The following ACSM2B variants were observed in gnomAD, a reference collection of about 807,000 sequenced individuals.
ACSM2B encodes acyl-coenzyme A synthetase ACSM2B, mitochondrial.
A neutral mutation model predicts 78.6 loss-of-function variants in ACSM2B; 58 were observed. The observed-to-expected ratio is 0.74, with a 90% CI of 0.60 to 0.92. The LOEUF is 0.92. Among genes scored for constraint, ACSM2B ranks in the 40% least tolerant of loss-of-function variants. ACSM2B has a pLI of 0.00. For missense variants in ACSM2B, 688 were observed against 711.2 expected (o/e 0.97, Z 0.37); for synonymous variants, 257 against 256.8 (o/e 1.00, Z -0.01).
chr16:20,572,833 T>A (rs1453433106), intron 1 of ACSM2B, among the ~76,000 whole-genome samples: 1 of 152,042 alleles, frequency 6.6e-6, no homozygotes, highest in Non-Finnish European at 1.5e-5. Flanking sequence ...CTTCAAGCTC[T>A]GAAGTTATTT....
intron 1 of ACSM2B, among the ~76,000 whole-genome samples, chr16:20,570,944 T>C (rs2016076062): frequency 6.6e-6 from 1 of 151,850 alleles, no homozygotes; most frequent in Non-Finnish European, 1.5e-5. Context: ...TAATTGAGCT[T>C]ATTTGGATTT....
At chr16:20,555,658 C>A (rs1395986077) in intron 3 of ACSM2B, among the ~76,000 whole-genome samples, 182 bp from the exon 4 acceptor site, 1 of 152,058 alleles carries the variant, frequency 6.6e-6, no homozygotes, top group Non-Finnish European at 1.5e-5. Flanking sequence ...CTAGGATTCC[C>A]TGGGTTGTCA....
chr16:20,554,679 T>C (rs902882075), intron 4 of ACSM2B, among the ~76,000 whole-genome samples: 5 of 152,208 alleles, frequency 3.3e-5, no homozygotes, highest in East Asian at 1.9e-4. Context: ...CAGCCTCTCT[T>C]AGAGATACAA....
chr16:20,553,679 C>T, intron 5 of ACSM2B, 98 bp downstream of exon 5: 1 of 1,516,416 alleles, frequency 6.6e-7, no homozygotes, highest in Non-Finnish European at 8.8e-7. Context: ...CTCAGAACCA[C>T]AAGGTGGTGA....
At chr16:20,547,006 T>G (rs938755172) in intron 8 of ACSM2B, 2 of 649,036 alleles carry the variant, frequency 3.1e-6, no homozygotes, top group African/African-American at 3.9e-5. Flanking sequence ...CCAGTTCTGC[T>G]TGAACCCTGA....
intron 1 of ACSM2B, among the ~76,000 whole-genome samples, chr16:20,572,255 T>C (rs556517610): frequency 3.2e-4 from 47 of 148,242 alleles, no homozygotes; most frequent in Admixed American, 3.1e-3. Context: ...TTAGCAGTTC[T>C]TGTAGTGCTG....
Position 20,536,950 on chromosome 16 carries a change from T to C in ACSM2B, c.*308A>G, listed in dbSNP as rs900581217. 3 of 230,870 alleles carry C rather than the reference T, an allele frequency of 1.3e-5. No homozygotes were observed. The highest frequency in any genetic ancestry group is 6.7e-5 in the African/African-American group (3 of 44,480). 14.3% of individuals were successfully genotyped at this position (230,870 alleles called of 1,614,324 possible). A position where few individuals can be genotyped will look rare whatever the true frequency, so the allele number is the denominator to read the frequency against. ...TTTCCTTTCTTCCTCCTTCCCTTGC[T>C]TCCTCTCGCCTTCCCTCCCTACTTT... On this transcript the variant is annotated 3_prime_UTR_variant, in exon 14 of 14. Transcript: ENST00000329697.
intron 1 of ACSM2B, among the ~76,000 whole-genome samples, chr16:20,566,248 TA>T (rs1297562103): frequency 0.41 from 4,415 of 10,700 alleles, 424 homozygotes; most frequent in African/African-American, 0.53. Context: ...CATGGAAGAT[TA>T]TATATATATA....
intron 1 of ACSM2B, among the ~76,000 whole-genome samples, chr16:20,567,406 A>T (rs1295402550): frequency 8.4e-6 from 1 of 119,040 alleles, no homozygotes; most frequent in African/African-American, 3.4e-5. Context: ...ACAATATATT[A>T]TATAATATAT....
chr16:20,563,280 T>C (rs1199963012), intron 2 of ACSM2B, among the ~76,000 whole-genome samples: 3 of 152,204 alleles, frequency 2.0e-5, no homozygotes, highest in Non-Finnish European at 2.9e-5. Flanking sequence ...AATGGCCATT[T>C]GAGTTCACTT....
intron 2 of ACSM2B, among the ~76,000 whole-genome samples, chr16:20,562,236 C>A (rs1018183311): frequency 6.6e-6 from 1 of 152,088 alleles, no homozygotes; most frequent in African/African-American, 2.4e-5. Flanking sequence ...ACATACCCAT[C>A]ATGATGCACA....
chr16:20,539,929 T>C lies in ACSM2B; in HGVS notation c.1629+725A>G, dbSNP rs9932171. 8.2e-3 allele frequency among the ~76,000 whole-genome samples: 1,244 copies of C among 152,320 alleles called. 18 individuals are homozygous for C. The highest frequency in any genetic ancestry group is 0.029 in the African/African-American group (1,213 of 41,566). ...ACCACATCCTAGGAATGCCTGGGAC[T>C]AGCCATAATGAAAGCTTTCTTCACC... On this transcript the variant is annotated intron_variant, in intron 13 of 13. Transcript: ENST00000329697.
intron 1 of ACSM2B, among the ~76,000 whole-genome samples, chr16:20,568,201 T>A (rs2015986978): frequency 6.9e-6 from 1 of 143,912 alleles, no homozygotes; most frequent in Non-Finnish European, 1.5e-5. Flanking sequence ...TTATATAAAA[T>A]ATAAATATAT....
intron 4 of ACSM2B, among the ~76,000 whole-genome samples, 185 bp downstream of exon 4, chr16:20,555,084 C>T (rs1371662862): frequency 6.6e-6 from 1 of 150,966 alleles, no homozygotes; most frequent in South Asian, 2.1e-4. Flanking sequence ...AGATCAAGCC[C>T]CACTTAGTCC....
In ACSM2B at chr16:20,537,012, C is replaced by T. The variant is rs7404298; in HGVS notation, c.*246G>A. 322,685 of 381,960 alleles carry T rather than the reference C, an allele frequency of 0.84. 137,510 individuals carry two copies. Among genetic ancestry groups the T allele is most frequent in the African/African-American group, 0.9 (43,692 of 48,336 alleles). The allele number at this position is 381,960 out of a possible 1,614,324, so 23.7% of individuals were successfully genotyped here. ...AATTGCTTTCTCTTGCAGTTTTTAACATTTCCCTGACTTACTTTTCTTTCC... is the reference window on the plus strand; with the variant it reads ...AATTGCTTTCTCTTGCAGTTTTTAATATTTCCCTGACTTACTTTTCTTTCC... On this transcript the variant is annotated 3_prime_UTR_variant, in exon 14 of 14. Transcript: ENST00000329697.
At chr16:20,576,182 G>A (rs1156461530) in intron 1 of ACSM2B, 25 bp downstream of exon 1, 1 of 151,358 alleles carries the variant, frequency 6.6e-6, no homozygotes, top group Non-Finnish European at 1.5e-5. Context: ...GACCCCATCA[G>A]CCCATTCCTT....
intron 6 of ACSM2B, chr16:20,549,840 T>A (rs1328380491): frequency 4.5e-6 from 2 of 448,308 alleles, no homozygotes; most frequent in Non-Finnish European, 8.9e-6. Flanking sequence ...TAGATTTAAA[T>A]TTTTTCTGGT....
rs1347676063 is a variant in ACSM2B at position 20,536,894 on chromosome 16, CT to C, written c.*363del. 1 of 170,702 alleles carries C rather than the reference CT, an allele frequency of 5.9e-6. No homozygotes were observed. The highest frequency in any genetic ancestry group is 2.4e-5 in the African/African-American group (1 of 41,574). The allele number at this position is 170,702 out of a possible 1,614,324, so 10.6% of individuals were successfully genotyped here. A position where few individuals can be genotyped will look rare whatever the true frequency, so the allele number is the denominator to read the frequency against. On this transcript the variant is annotated 3_prime_UTR_variant, in exon 14 of 14. Transcript: ENST00000329697. ...TCTGATTCTCCCTTCAATTATTTTT[CT>C]TCTATCTTTTCTCCCCCTTTCATCT...
chr16:20,544,625 T>A, intron 10 of ACSM2B: 9 of 985,390 alleles, frequency 9.1e-6, no homozygotes, highest in Non-Finnish European at 1.1e-5. Context: ...CTAATGGTTG[T>A]GAGCTTGAGC....
Sources: gnomAD v4.1 joint callset for allele counts (sites outside exome capture counted in the v4.1 genomes callset) on GRCh38, gnomAD v4.1.1 for gene constraint, MANE v1.5 for transcripts, NCBI Gene and HGNC (gene_info 2026-07-23, HGNC 2026-07-21) for gene names.